The following MYBPC1 variants were observed in gnomAD, a reference collection of about 807,000 sequenced individuals.
The protein encoded by MYBPC1 is myosin binding protein C1.
A neutral mutation model predicts 147.1 loss-of-function variants in MYBPC1; 52 were observed. The observed-to-expected ratio is 0.35, with a 90% confidence interval of 0.28 to 0.45. MYBPC1 has a LOEUF of 0.45. Ranked by LOEUF, MYBPC1 falls within the 20% of genes least tolerant of loss-of-function variation. The pLI, the probability that MYBPC1 is intolerant of heterozygous loss-of-function variation, is 1.00. For missense variants in MYBPC1, 1,228 were observed against 1,440.3 expected (o/e 0.85, Z 2.39); for synonymous variants, 477 against 475.9 (o/e 1.00, Z -0.03).
chr12:101,685,534 T>A, intron 31 of MYBPC1, 48 bp from the exon 32 acceptor site: 1 of 1,312,572 alleles, frequency 7.6e-7, no homozygotes, highest in Non-Finnish European at 1.1e-6. Flanking sequence ...CAGCGATTTT[T>A]CAGGTAGATG....
chr12:101,613,118 A>G (rs1480643390), intron 1 of MYBPC1, among the ~76,000 whole-genome samples: 1 of 152,238 alleles, frequency 6.6e-6, no homozygotes, highest in African/African-American at 2.4e-5. Flanking sequence ...TTAAAAAACA[A>G]TAAATTGGAG....
chr12:101,629,345 C>A, intron 5 of MYBPC1, 89 bp from the exon 6 acceptor site: 1 of 867,026 alleles, frequency 1.2e-6, no homozygotes, highest in Non-Finnish European at 2.0e-6. Context: ...AGAAAAGCTA[C>A]AGCGTTGGTG....
At chr12:101,645,045 CTA>C (rs1257988668) in intron 12 of MYBPC1, among the ~76,000 whole-genome samples, 1 of 152,034 alleles carries the variant, frequency 6.6e-6, no homozygotes, top group African/African-American at 2.4e-5. Flanking sequence ...TTTTGTGTCG[CTA>C]TAGGTTATAT....
At position 101,659,800 on chromosome 12, in the gene MYBPC1, G is replaced by C; in HGVS notation, c.1896G>C (p.Glu632Asp). 1 of 1,614,130 alleles carries C rather than the reference G, an allele frequency of 6.2e-7. No homozygotes were observed. The highest frequency in any genetic ancestry group is 8.5e-7 in the Non-Finnish European group (1 of 1,179,998). Residue 632 changes from glutamate (E) to aspartate (D), a missense_variant, in exon 19 of 32, where the codon GAG becomes GAC. Glu to Asp is a conservative substitution (Grantham distance 45). Transcript: ENST00000361466. ...TCAATCTGAAAAACGAAGCTGGAGA[G>C]GCACATGCAAGCATCAAGGTTAAAG... ...YHINLKNEAG[E>D]AHASIKVKVV...
At chr12:101,648,187 GA>G (rs1188063972) in intron 14 of MYBPC1, 37 bp downstream of exon 14, 1 of 1,462,044 alleles carries the variant, frequency 6.8e-7, no homozygotes, top group Non-Finnish European at 9.3e-7. Context: ...ATGTTTAATA[GA>G]CAAAAAAATT....
intron 16 of MYBPC1, among the ~76,000 whole-genome samples, chr12:101,652,163 A>G (rs899399579): frequency 6.6e-6 from 1 of 152,214 alleles, no homozygotes; most frequent in African/African-American, 2.4e-5. Flanking sequence ...AGGAAGCCCC[A>G]TAACTCCTGT....
rs1333334735 is a variant in MYBPC1 at position 101,646,749 on chromosome 12, C to T, written c.966-14C>T. 3.1e-6 allele frequency: 5 copies of T among 1,612,126 alleles called. No individual in the cohort carries two copies. The highest frequency in any genetic ancestry group is 2.5e-6 in the Non-Finnish European group (3 of 1,178,248). On this transcript the variant is annotated splice_polypyrimidine_tract_variant and intron_variant, in intron 12 of 31. Coordinates refer to ENST00000361466, the MANE Select transcript of MYBPC1 (RefSeq NM_002465.4). ...ATTCACAGACTCTGTTTATTTTCATCCTATTCAAAACAGATACATCTTTGA... is the reference window on the plus strand; with the variant it reads ...ATTCACAGACTCTGTTTATTTTCATTCTATTCAAAACAGATACATCTTTGA...
intron 16 of MYBPC1, 109 bp downstream of exon 16, chr12:101,651,502 C>T (rs1894434463): frequency 2.1e-6 from 3 of 1,421,204 alleles, no homozygotes; most frequent in Middle Eastern, 1.9e-4. Flanking sequence ...ATAGGGAGAT[C>T]ATCTATTCCT....
intron 18 of MYBPC1, among the ~76,000 whole-genome samples, chr12:101,658,861 G>T (rs1180410732): frequency 6.6e-6 from 1 of 152,154 alleles, no homozygotes; most frequent in Non-Finnish European, 1.5e-5. Flanking sequence ...AGACACAAAA[G>T]AGTAGAGAGT....
chr12:101,685,006 G>A (rs1457143295), intron 31 of MYBPC1, among the ~76,000 whole-genome samples: 1 of 152,042 alleles, frequency 6.6e-6, no homozygotes, highest in Non-Finnish European at 1.5e-5. Flanking sequence ...ATTGGTAGGT[G>A]TTTCTCGCAC....
chr12:101,679,782 A>T (rs540905732), intron 28 of MYBPC1, among the ~76,000 whole-genome samples: 1 of 148,546 alleles, frequency 6.7e-6, no homozygotes, highest in Non-Finnish European at 1.5e-5. Flanking sequence ...AAATCAAATG[A>T]TCGTGACACT....
At chr12:101,642,951 GT>G (rs930347804) in intron 11 of MYBPC1, among the ~76,000 whole-genome samples, 27 of 152,122 alleles carry the variant, frequency 1.8e-4, no homozygotes, top group African/African-American at 6.3e-4. Flanking sequence ...CGTGTGGAGA[GT>G]TCACTTTCTC....
intron 8 of MYBPC1, among the ~76,000 whole-genome samples, chr12:101,634,055 G>A (rs757280140): frequency 1.3e-5 from 2 of 151,888 alleles, no homozygotes; most frequent in Non-Finnish European, 2.9e-5. Flanking sequence ...CGCCACCACG[G>A]CCGGCTAATT....
intron 30 of MYBPC1, among the ~76,000 whole-genome samples, chr12:101,683,441 A>G (rs538901915): frequency 3.9e-4 from 59 of 152,206 alleles, no homozygotes; most frequent in Admixed American, 6.5e-4. Context: ...AAAATAAAAA[A>G]AATAAATTGG....
intron 9 of MYBPC1, 116 bp downstream of exon 9, chr12:101,634,721 G>A (rs975135828): frequency 9.6e-6 from 8 of 834,650 alleles, no homozygotes; most frequent in Non-Finnish European, 1.6e-5. Flanking sequence ...ACTTTTCACC[G>A]CAAAAACACC....
rs144175503 is a variant in MYBPC1 at position 101,625,200 on chromosome 12, A to AG, written c.104-1672_104-1671insG. Among the ~76,000 whole-genome samples, 1,158 of 147,028 alleles carry AG rather than the reference A, an allele frequency of 7.9e-3. 25 individuals carry two copies. The highest frequency in any genetic ancestry group is 0.025 in the African/African-American group (960 of 37,872). On this transcript the variant is annotated intron_variant, in intron 3 of 31. Coordinates refer to ENST00000361466, the MANE Select transcript of MYBPC1 (RefSeq NM_002465.4). ...TAGTTCCCTTAAAAAAAAAATAAAT[A>AG]AATAAACCTGGCAGCTATAGAATAT... is the stretch of plus-strand genomic sequence containing the variant.
At position 101,673,574 on chromosome 12, in the gene MYBPC1, A is replaced by C; in HGVS notation, c.2761A>C (p.Lys921Gln). 2 of 1,614,170 alleles carry C rather than the reference A, an allele frequency of 1.2e-6. No individual in the cohort carries two copies. ...SHSGKYDLQVKVDKFVETASI... is the reference protein window; with the variant it reads ...SHSGKYDLQVQVDKFVETASI... ...CTCTGGGAAATATGATCTGCAAGTCAAAGTGGACAAATTCGTGGAGACCGC... is the reference window on the plus strand; with the variant it reads ...CTCTGGGAAATATGATCTGCAAGTCCAAGTGGACAAATTCGTGGAGACCGC... Residue 921 changes from lysine to glutamine, a missense_variant, in exon 25 of 32, where the codon AAA (lysine) becomes CAA (glutamine). Lys to Gln is a moderately conservative substitution (Grantham distance 53, BLOSUM62 1). Transcript: ENST00000361466.
intron 28 of MYBPC1, among the ~76,000 whole-genome samples, chr12:101,679,337 A>G (rs938645430): frequency 6.6e-6 from 1 of 152,110 alleles, no homozygotes; most frequent in Non-Finnish European, 1.5e-5. Context: ...GGAGTCCCAT[A>G]CATAAAGATG....
At chr12:101,606,512 C>T (rs1475002739) in intron 1 of MYBPC1, among the ~76,000 whole-genome samples, 1 of 148,902 alleles carries the variant, frequency 6.7e-6, no homozygotes. Flanking sequence ...CTACATTGCC[C>T]GGCCTGGTCT....
Sources: gnomAD v4.1 joint callset for allele counts (sites outside exome capture counted in the v4.1 genomes callset) on GRCh38, gnomAD v4.1.1 for gene constraint, MANE v1.5 for transcripts, NCBI Gene and HGNC (gene_info 2026-07-23, HGNC 2026-07-21) for gene names.